The following RAC1 variants were observed in gnomAD, a reference collection of about 807,000 sequenced individuals.
RAC1 encodes ras-related C3 botulinum toxin substrate 1.
RAC1 carries 2 observed loss-of-function variants against 25.2 expected under a neutral mutation model. That is an observed-to-expected ratio of 0.08 (90% CI 0.03 to 0.25). The LOEUF is 0.25. Among genes scored for constraint, RAC1 ranks in the 10% least tolerant of loss-of-function variants. RAC1 has a pLI of 1.00. For synonymous variants in RAC1, 88 were observed against 94.0 expected (o/e 0.94, Z 0.37); for missense variants, 50 against 235.7 (o/e 0.21, Z 5.16).
Position 6,379,427 on chromosome 7 carries a change from A to T in RAC1, c.35+4657A>T, listed in dbSNP as rs1007496573. On this transcript the variant is annotated intron_variant, in intron 1 of 5. Transcript: ENST00000348035. ...GTAGGTGGGATTACAGTCACGCTCC[A>T]CCACACTGACTAATTTCGTATTTTT... 2.0e-5 allele frequency among the ~76,000 whole-genome samples: 3 copies of T among 151,926 alleles called. No homozygotes were observed. The East Asian group carries it at 5.8e-4, about 29-fold the overall frequency.
chr7:6,396,467 G>A (rs1238740308), intron 3 of RAC1, among the ~76,000 whole-genome samples: 2 of 152,174 alleles, frequency 1.3e-5, no homozygotes, highest in Non-Finnish European at 2.9e-5. Context: ...GGCATAGCAC[G>A]AACGCCGGGT....
chr7:6,387,814 ACTGT>A (rs1782964917), intron 2 of RAC1, among the ~76,000 whole-genome samples: 1 of 152,326 alleles, frequency 6.6e-6, no homozygotes, highest in East Asian at 1.9e-4. Flanking sequence ...GCAAACTTTA[ACTGT>A]CTGTGAGGTA....
intron 2 of RAC1, among the ~76,000 whole-genome samples, chr7:6,389,830 T>C (rs965308152): frequency 6.6e-6 from 1 of 152,206 alleles, no homozygotes; most frequent in African/African-American, 2.4e-5. Context: ...CTGGCTCTTT[T>C]GAATGTTTAC....
chr7:6,382,977 TA>T (rs569542433), intron 1 of RAC1, among the ~76,000 whole-genome samples: 3 of 152,174 alleles, frequency 2.0e-5, no homozygotes, highest in East Asian at 3.9e-4. Flanking sequence ...ACAGATAGGT[TA>T]AAAAAAATTG....
In RAC1 at chr7:6,403,342, C is replaced by T. The variant is rs909122683; in HGVS notation, c.*896C>T. On this transcript the variant is annotated 3_prime_UTR_variant, in exon 6 of 6. Coordinates refer to ENST00000348035, the MANE Select transcript of RAC1 (RefSeq NM_006908.5). ...CTTTCTCTTACACCTGCCATGCCTC[C>T]CCAAATTGGGCATTTAATTCATCTT... 1 of 209,438 alleles carries T rather than the reference C, an allele frequency of 4.8e-6. No individual in the cohort carries two copies. The highest frequency in any genetic ancestry group is 9.7e-6 in the Non-Finnish European group (1 of 102,944). The allele number at this position is 209,438 out of a possible 1,614,324, so 13.0% of individuals were successfully genotyped here.
chr7:6,398,247 G>A (rs1247316968), intron 3 of RAC1, among the ~76,000 whole-genome samples: 1 of 152,202 alleles, frequency 6.6e-6, no homozygotes, highest in African/African-American at 2.4e-5. Flanking sequence ...TCCTTTTCCT[G>A]TATGCTGTGG....
intron 3 of RAC1, among the ~76,000 whole-genome samples, chr7:6,397,363 C>T (rs188865138): frequency 0.023 from 3,490 of 152,068 alleles, 64 homozygotes; most frequent in Middle Eastern, 0.054. Flanking sequence ...GTCACAATCT[C>T]GCCTCACTGC....
At chr7:6,398,469 C>G (rs1783308244) in intron 3 of RAC1, among the ~76,000 whole-genome samples, 1 of 152,202 alleles carries the variant, frequency 6.6e-6, no homozygotes, top group Admixed American at 6.5e-5. Context: ...AACTTAACGC[C>G]TGCTTTTGAC....
In RAC1 at chr7:6,387,154, G is replaced by A. The variant is rs1198493154; in HGVS notation, c.36-58G>A. ...CTCTAGAAATTATTTTAACTTAATA[G>A]TGAAAGCTAAGATTACATTCATGTT... is the stretch of plus-strand genomic sequence containing the variant. On this transcript the variant is annotated intron_variant, in intron 1 of 5. Coordinates refer to ENST00000348035, the MANE Select transcript of RAC1 (RefSeq NM_006908.5). 25 of 1,094,896 alleles carry A rather than the reference G, an allele frequency of 2.3e-5. No homozygotes were observed. In the East Asian group the frequency reaches 5.7e-4, roughly 25 times the overall value. The allele number at this position is 1,094,896 out of a possible 1,614,324, so 67.8% of individuals were successfully genotyped here.
intron 3 of RAC1, among the ~76,000 whole-genome samples, chr7:6,393,389 C>T (rs1418725541): frequency 6.6e-6 from 1 of 152,118 alleles, no homozygotes; most frequent in African/African-American, 2.4e-5. Context: ...CCACTGGACA[C>T]ATGTGGAAGG....
intron 1 of RAC1, among the ~76,000 whole-genome samples, chr7:6,374,994 C>T (rs1016784485): frequency 2.6e-5 from 4 of 151,998 alleles, no homozygotes; most frequent in African/African-American, 7.2e-5. Context: ...GAGGGCCTCG[C>T]CGCTCGCCGG....
In RAC1 at chr7:6,380,378, A is replaced by ATGTG. The variant is rs3838699; in HGVS notation, c.35+5624_35+5627dup. Reference sequence around the variant, plus strand: ...TGATAAGCCAAAAAAATTATACATAATGTGTGTGTGTGTGTGTGTTTTAAT... The same window carrying ATGTG: ...TGATAAGCCAAAAAAATTATACATAATGTGTGTGTGTGTGTGTGTGTGTTTTAAT... On this transcript the variant is annotated intron_variant, in intron 1 of 5. Transcript: ENST00000348035. Among the ~76,000 whole-genome samples the ATGTG allele has an allele frequency of 1.1e-3, 165 of 151,356 alleles. No individual in the cohort carries two copies. The East Asian group carries it at 0.028, about 25-fold the overall frequency.
intron 3 of RAC1, among the ~76,000 whole-genome samples, chr7:6,394,328 C>T (rs935379870): frequency 1.3e-5 from 2 of 152,284 alleles, no homozygotes; most frequent in Non-Finnish European, 2.9e-5. Context: ...TTTTATTTCC[C>T]GAATTACGTA....
intron 1 of RAC1, among the ~76,000 whole-genome samples, chr7:6,381,860 G>A (rs998416457): frequency 1.3e-5 from 2 of 152,248 alleles, no homozygotes; most frequent in Non-Finnish European, 1.5e-5. Flanking sequence ...AAGGCCTACC[G>A]TTACAGAATC....
chr7:6,396,141 A>C (rs1783228837), intron 3 of RAC1, among the ~76,000 whole-genome samples: 1 of 152,206 alleles, frequency 6.6e-6, no homozygotes, highest in African/African-American at 2.4e-5. Flanking sequence ...GCTCAGGTTG[A>C]CTGGAAACAT....
Position 6,402,981 on chromosome 7 carries a change from T to G in RAC1, c.*535T>G, listed in dbSNP as rs1783462480. On this transcript the variant is annotated 3_prime_UTR_variant, in exon 6 of 6. Coordinates refer to ENST00000348035, the MANE Select transcript of RAC1 (RefSeq NM_006908.5). Reference sequence around the variant, plus strand: ...AGCAGCACGTGTTCCCGACATAACATTGTACTGTAATGGAGTGAGCGTAGC... The same window carrying G: ...AGCAGCACGTGTTCCCGACATAACAGTGTACTGTAATGGAGTGAGCGTAGC... 5.2e-6 allele frequency: 1 copy of G among 191,256 alleles called. No homozygotes were observed. The highest frequency in any genetic ancestry group is 1.1e-5 in the Non-Finnish European group (1 of 91,076). The allele number at this position is 191,256 out of a possible 1,614,324, so 11.8% of individuals were successfully genotyped here.
intron 1 of RAC1, 95 bp from the exon 2 acceptor site, chr7:6,387,117 T>A: frequency 1.2e-6 from 1 of 825,410 alleles, no homozygotes; most frequent in East Asian, 2.6e-5. Context: ...TGTATATGCC[T>A]TGATTTTTTT....
chr7:6,392,133 T>C, intron 3 of RAC1, 92 bp downstream of exon 3: 1 of 1,580,802 alleles, frequency 6.3e-7, no homozygotes, highest in South Asian at 1.1e-5. Context: ...CTTGCTTATA[T>C]TGCCATCATT....
chr7:6,382,660 C>T lies in RAC1; in HGVS notation c.36-4552C>T, dbSNP rs531073695. Among the ~76,000 whole-genome samples the T allele has an allele frequency of 7.9e-4, 120 of 152,242 alleles. 1 individual carries two copies. Among genetic ancestry groups the T allele is most frequent in the African/African-American group, 2.6e-3 (110 of 41,554 alleles). ...GGTGGATCTCCTGAGGTCAGGAATT[C>T]GAGACCAGTCTGGCCAACATGGCAA... On this transcript the variant is annotated intron_variant, in intron 1 of 5. Transcript: ENST00000348035.
Sources: allele counts gnomAD v4.1 joint callset (sites outside exome capture counted in the v4.1 genomes callset), GRCh38; gene constraint gnomAD v4.1.1; transcripts MANE v1.5; gene names NCBI Gene and HGNC (gene_info 2026-07-23, HGNC 2026-07-21).